TBC1D1: variants seen among roughly 807,000 people sequenced by gnomAD.
The protein encoded by TBC1D1 is TBC1 (tre-2/USP6, BUB2, cdc16) domain family, member 1.
In TBC1D1, 89 loss-of-function variants were observed where a neutral mutation model predicts 125.6. The observed-to-expected ratio is 0.71, with a 90% CI of 0.60 to 0.85. The LOEUF (loss-of-function observed/expected upper bound fraction) is 0.85. Ranked by LOEUF, TBC1D1 falls within the 40% of genes least tolerant of loss-of-function variation. TBC1D1 has a pLI of 0.00. For missense variants in TBC1D1, 1,377 were observed against 1,469.2 expected, an observed-to-expected ratio of 0.94 and a Z score of 1.03; for synonymous variants, 565 against 564.1, an observed-to-expected ratio of 1.00 and a Z score of -0.02.
intron 2 of TBC1D1, among the ~76,000 whole-genome samples, chr4:37,991,988 G>C (rs562621779): frequency 6.6e-6 from 1 of 152,340 alleles, no homozygotes; most frequent in South Asian, 2.1e-4. Context: ...AAACATGTTT[G>C]GTACAAACGG....
intron 15 of TBC1D1, among the ~76,000 whole-genome samples, chr4:38,103,443 T>C (rs1484945976): frequency 6.6e-6 from 1 of 152,158 alleles, no homozygotes; most frequent in Non-Finnish European, 1.5e-5. Context: ...AACTCAAATA[T>C]TGATAGGAGG....
chr4:37,906,210 C>T (rs1036465413), intron 2 of TBC1D1, among the ~76,000 whole-genome samples: 27 of 152,076 alleles, frequency 1.8e-4, no homozygotes, highest in African/African-American at 6.0e-4. Context: ...TGCAGTGGCC[C>T]GATTTCGGCT....
At chr4:38,124,837 T>C (rs1764380926) in intron 17 of TBC1D1, 125 bp from the exon 20 acceptor site, 1 of 713,782 alleles carries the variant, frequency 1.4e-6, no homozygotes, top group Non-Finnish European at 2.4e-6. Flanking sequence ...AAAAATGAAA[T>C]AAAGTTTGCA....
At chr4:38,048,280 A>G (rs1448354748) in intron 10 of TBC1D1, among the ~76,000 whole-genome samples, 1 of 152,198 alleles carries the variant, frequency 6.6e-6, no homozygotes, top group African/African-American at 2.4e-5. Context: ...CAATTAAGCT[A>G]AGGGTTAGCT....
chr4:37,984,241 G>C (rs1478163242), intron 2 of TBC1D1, among the ~76,000 whole-genome samples: 3 of 152,164 alleles, frequency 2.0e-5, no homozygotes, highest in Non-Finnish European at 4.4e-5. Context: ...GTAGGTTTTT[G>C]TGTGGATATG....
At chr4:37,895,918 C>T (rs1280822416) in intron 1 of TBC1D1, among the ~76,000 whole-genome samples, 2 of 152,102 alleles carry the variant, frequency 1.3e-5, no homozygotes, top group East Asian at 3.8e-4. Context: ...CACACTGCTC[C>T]CGTTGGGGTG....
chr4:37,936,241 G>C (rs1283272651), intron 2 of TBC1D1, among the ~76,000 whole-genome samples: 1 of 152,194 alleles, frequency 6.6e-6, no homozygotes, highest in Non-Finnish European at 1.5e-5. Context: ...ATTTGGCACA[G>C]TAAGAGATTA....
chr4:37,922,269 G>T (rs534117415), intron 2 of TBC1D1, among the ~76,000 whole-genome samples: 1 of 152,178 alleles, frequency 6.6e-6, no homozygotes, highest in Non-Finnish European at 1.5e-5. Context: ...CAGACATACA[G>T]ATTCCTATGT....
intron 15 of TBC1D1, chr4:38,110,585 T>C (rs1762040248): frequency 3.0e-6 from 3 of 985,354 alleles, no homozygotes; most frequent in Non-Finnish European, 2.4e-6. Context: ...TCCACTTAGA[T>C]CCACAAGACA....
At chr4:37,944,149 G>A (rs764035869) in intron 2 of TBC1D1, among the ~76,000 whole-genome samples, 13 of 152,162 alleles carry the variant, frequency 8.5e-5, no homozygotes, top group Non-Finnish European at 1.6e-4. Flanking sequence ...GCAGAACAGC[G>A]AATATTGCTA....
chr4:38,013,021 C>A (rs1366345490), intron 2 of TBC1D1, among the ~76,000 whole-genome samples: 2 of 151,980 alleles, frequency 1.3e-5, no homozygotes, highest in Non-Finnish European at 2.9e-5. Context: ...TCTCAACCTC[C>A]TGACCTCCTG....
At chr4:38,051,902 G>T (rs1407130619) in intron 11 of TBC1D1, 1 of 1,549,842 alleles carries the variant, frequency 6.5e-7, no homozygotes, top group Admixed American at 2.0e-5. Context: ...TGTTTAGTGT[G>T]GATCCTTCAC....
At chr4:38,015,629 A>C (rs1259942295) in intron 3 of TBC1D1, among the ~76,000 whole-genome samples, 4 of 152,128 alleles carry the variant, frequency 2.6e-5, no homozygotes. Flanking sequence ...TGAACGGATG[A>C]GATGTGGAGC....
chr4:37,892,859 C>T (rs1713654196), intron 1 of TBC1D1, among the ~76,000 whole-genome samples: 1 of 152,144 alleles, frequency 6.6e-6, no homozygotes, highest in African/African-American at 2.4e-5. Flanking sequence ...GAGCTTGCCC[C>T]TTCTTCCTCA....
At chr4:38,056,032 G>C (rs1015926658) in intron 12 of TBC1D1, among the ~76,000 whole-genome samples, 1 of 152,230 alleles carries the variant, frequency 6.6e-6, no homozygotes, top group Non-Finnish European at 1.5e-5. Flanking sequence ...GCCAGGATGC[G>C]TTAGGGGCCA....
intron 13 of TBC1D1, among the ~76,000 whole-genome samples, chr4:38,093,129 T>G (rs1758704683): frequency 2.0e-5 from 3 of 152,184 alleles, no homozygotes; most frequent in African/African-American, 7.2e-5. Context: ...AGATAGGCAT[T>G]CTATCTTGAG....
chr4:38,047,258 G>C (rs982432148), intron 10 of TBC1D1, among the ~76,000 whole-genome samples: 1 of 152,132 alleles, frequency 6.6e-6, no homozygotes. Context: ...TCCGCCTCCC[G>C]GGTTCAGGCC....
At chr4:38,021,862 A>G in intron 6 of TBC1D1, 144 bp downstream of exon 6, 3 of 942,232 alleles carry the variant, frequency 3.2e-6, no homozygotes, top group Non-Finnish European at 4.3e-6. Context: ...CTCAGTGTGC[A>G]GTGGGTGTCT....
In TBC1D1 at chr4:38,133,265, A is replaced by C; in HGVS notation, c.3306+8A>C. The C allele has an allele frequency of 6.2e-7, 1 of 1,608,112 alleles. No homozygotes were observed. The highest frequency in any genetic ancestry group is 1.3e-5 in the African/African-American group (1 of 74,506). On this transcript the variant is annotated splice_region_variant and intron_variant, in intron 19 of 19. Coordinates refer to ENST00000261439, the MANE Select transcript of TBC1D1 (RefSeq NM_015173.4). Reference sequence around the variant, plus strand: ...CTCCTTGAACAGTTGCAGGTAGAGCATATTTATAAAGCAGCTTCCTGAATC... The same window carrying C: ...CTCCTTGAACAGTTGCAGGTAGAGCCTATTTATAAAGCAGCTTCCTGAATC...
Sources: gnomAD v4.1 joint callset for allele counts (sites outside exome capture counted in the v4.1 genomes callset) on GRCh38, gnomAD v4.1.1 for gene constraint, MANE v1.5 for transcripts, NCBI Gene and HGNC (gene_info 2026-07-23, HGNC 2026-07-21) for gene names.